LAMA2: variants seen among roughly 807,000 people sequenced by gnomAD.
LAMA2 encodes the protein laminin subunit alpha-2.
LAMA2 carries 269 observed loss-of-function variants against 364.8 expected under a neutral mutation model. The ratio of observed to expected loss-of-function variants is 0.74; its 90% confidence interval spans 0.67 to 0.82. The LOEUF (loss-of-function observed/expected upper bound fraction) is 0.82, where lower values mean the gene tolerates loss of function less well. Ranked by LOEUF, LAMA2 falls within the 40% of genes least tolerant of loss-of-function variation. The probability of loss-of-function intolerance (pLI) is 0.00; values close to 1 mark genes in which losing one functional copy is unlikely to be tolerated. For synonymous variants in LAMA2, 1,379 were observed against 1,370.6 expected (o/e 1.01, Z -0.14); for missense variants, 3,807 against 3,873.2 (o/e 0.98, Z 0.45).
chr6:129,505,751 C>A (rs1305811036), intron 61 of LAMA2, among the ~76,000 whole-genome samples: 1 of 151,854 alleles, frequency 6.6e-6, no homozygotes, highest in Non-Finnish European at 1.5e-5. Context: ...CCAGGATGGT[C>A]TCAATCTCCT....
rs55906092 is a variant in LAMA2, at chr6:128,962,139, CATATATATATAT to C, written c.112+78818_112+78829del. On this transcript the variant is annotated intron_variant, in intron 1 of 64. Transcript: ENST00000421865. Reference sequence around the variant, plus strand: ...TCTTTTCTGATGTCATCCTCTGGACCATATATATATATATATATATATATATATATATATATA... The same window carrying C: ...TCTTTTCTGATGTCATCCTCTGGACCATATATATATATATATATATATATA... Among the ~76,000 whole-genome samples, 303 of 38,098 alleles carry C rather than the reference CATATATATATAT, an allele frequency of 8.0e-3. 10 individuals carry two copies. The highest frequency in any genetic ancestry group is 0.019 in the Middle Eastern group (1 of 54). The allele number at this position is 38,098 out of a possible 152,430, so 25.0% of individuals were successfully genotyped here. A position where few individuals can be genotyped will look rare whatever the true frequency, so the allele number is the denominator to read the frequency against.
intron 20 of LAMA2, among the ~76,000 whole-genome samples, chr6:129,296,331 T>G (rs558674061): frequency 2.6e-5 from 4 of 151,982 alleles, no homozygotes; most frequent in Non-Finnish European, 4.4e-5. Context: ...ATATGGTTAG[T>G]TTTTTTTATA....
intron 1 of LAMA2, among the ~76,000 whole-genome samples, chr6:129,040,424 A>C (rs6569577): frequency 0.45 from 68,791 of 151,814 alleles, 17,201 homozygotes; most frequent in African/African-American, 0.67. Context: ...AGTTTGAGAT[A>C]AACTTGGGCA....
At chr6:128,884,289 C>T (rs1174500055) in intron 1 of LAMA2, among the ~76,000 whole-genome samples, 1 of 151,526 alleles carries the variant, frequency 6.6e-6, no homozygotes, top group Non-Finnish European at 1.5e-5. Context: ...GCAAACAATT[C>T]TTTAAGTTGG....
At chr6:128,945,593 A>G (rs1378972637) in intron 1 of LAMA2, among the ~76,000 whole-genome samples, 2 of 152,256 alleles carry the variant, frequency 1.3e-5, no homozygotes, top group Non-Finnish European at 2.9e-5. Context: ...ATAAGTTTTA[A>G]TAATGGCATG....
At chr6:128,996,960 G>A (rs2114672228) in intron 1 of LAMA2, among the ~76,000 whole-genome samples, 1 of 152,308 alleles carries the variant, frequency 6.6e-6, no homozygotes, top group South Asian at 2.1e-4. Context: ...AAAAGGATGA[G>A]TTCATGTCCT....
chr6:129,276,883 A>G (rs554930446), intron 17 of LAMA2, among the ~76,000 whole-genome samples: 32 of 152,070 alleles, frequency 2.1e-4, no homozygotes, highest in Non-Finnish European at 4.3e-4. Context: ...TTGTTTCTCT[A>G]TGTATGCATT....
intron 12 of LAMA2, among the ~76,000 whole-genome samples, chr6:129,204,816 A>C (rs1782516863): frequency 1.3e-5 from 2 of 152,196 alleles, no homozygotes; most frequent in Admixed American, 1.3e-4. Context: ...GACTCTCTCT[A>C]ATGTATAAAG....
rs778913439 is a variant in LAMA2, at chr6:129,315,524, C to G, written c.3604C>G (p.Leu1202Val). The stretch of plus-strand genomic sequence containing the variant: ...CATTCTACCCCTGGTAGATGAGGCT[C>G]TGCAGCACACGACCACCAAGGGCAT... ...QTILPLVDEA[L>V]QHTTTKGIVF... is the part of the protein sequence containing the mutation. The change falls in exon 25 of 65, where the codon CTG (leucine) becomes GTG (valine). Residue 1202 changes from leucine (L) to valine (V), a missense_variant. Leu to Val is a conservative substitution (Grantham distance 32). Coordinates refer to ENST00000421865, the MANE Select transcript of LAMA2 (RefSeq NM_000426.4). 3.1e-6 allele frequency: 5 copies of G among 1,614,178 alleles called. No homozygotes were observed. Among genetic ancestry groups the G allele is most frequent in the Non-Finnish European group, 4.2e-6 (5 of 1,180,018 alleles).
intron 20 of LAMA2, chr6:129,293,016 A>ATCGGCAGCTCCAGCGGGTGCCC: frequency 1.0e-6 from 1 of 985,946 alleles, no homozygotes; most frequent in African/African-American, 1.7e-5. Context: ...GAGGTGGGCT[A>ATCGGCAGCTCCAGCGGGTGCCC]TCGGCAGCTC....
At position 129,108,980 on chromosome 6, in the gene LAMA2, A is replaced by C. The variant is rs528958934; in HGVS notation, c.639+10565A>C. Among the ~76,000 whole-genome samples the C allele has an allele frequency of 2.0e-5, 3 of 152,246 alleles. No homozygotes were observed. In the South Asian group the frequency reaches 6.2e-4, roughly 32 times the overall value. ...AAGCTACTTAAAAAGTGTTTTAGAAAATGTTTTTAAATATTAATTTGCATC... is the reference window on the plus strand; with the variant it reads ...AAGCTACTTAAAAAGTGTTTTAGAACATGTTTTTAAATATTAATTTGCATC... On this transcript the variant is annotated intron_variant, in intron 4 of 64. Coordinates refer to ENST00000421865, the MANE Select transcript of LAMA2 (RefSeq NM_000426.4).
chr6:129,375,670 T>C (rs1778331088), intron 34 of LAMA2, among the ~76,000 whole-genome samples: 2 of 152,214 alleles, frequency 1.3e-5, no homozygotes, highest in Non-Finnish European at 2.9e-5. Context: ...CCTTGGGGAC[T>C]AGGCCTCAGT....
intron 1 of LAMA2, among the ~76,000 whole-genome samples, chr6:129,006,787 C>T (rs753853068): frequency 6.6e-6 from 1 of 152,132 alleles, no homozygotes; most frequent in Non-Finnish European, 1.5e-5. Context: ...ATCAGATCTC[C>T]ATCACCAGTC....
chr6:129,015,138 A>G (rs1173203604), intron 1 of LAMA2, among the ~76,000 whole-genome samples: 2 of 152,162 alleles, frequency 1.3e-5, no homozygotes, highest in Non-Finnish European at 2.9e-5. Context: ...TCTTATTTGG[A>G]TGTACAAACC....
At chr6:129,200,632 G>A (rs950958172) in intron 12 of LAMA2, among the ~76,000 whole-genome samples, 17 of 151,786 alleles carry the variant, frequency 1.1e-4, no homozygotes, top group African/African-American at 3.9e-4. Context: ...CTCCATGAAT[G>A]GAATTAATGC....
At chr6:129,082,321 C>G (rs142719923) in intron 3 of LAMA2, among the ~76,000 whole-genome samples, 1,661 of 152,146 alleles carry the variant, frequency 0.011, 34 homozygotes, top group African/African-American at 0.038. Flanking sequence ...ATTATATTCT[C>G]TCACTCCACT....
chr6:129,291,721 G>A lies in LAMA2; in HGVS notation c.2856+1G>A. 6.2e-7 allele frequency: 1 copy of A among 1,600,558 alleles called. No homozygotes were observed. The highest frequency in any genetic ancestry group is 8.6e-7 in the Non-Finnish European group (1 of 1,167,660). On this transcript the variant is annotated splice_donor_variant, in intron 20 of 64. Transcript: ENST00000421865. LOFTEE classifies it high-confidence loss of function. ...GGGTCAGAGATGTGACAAATGCAAG[G>A]TAAGGAGTAGAGGCTGACCCATAAA...
At chr6:129,142,083 G>T (rs1778153552) in intron 4 of LAMA2, among the ~76,000 whole-genome samples, 1 of 151,984 alleles carries the variant, frequency 6.6e-6, no homozygotes, top group Non-Finnish European at 1.5e-5. Context: ...AATTCATTAT[G>T]CAGATATACA....
chr6:129,330,453 T>C (rs996309999), intron 29 of LAMA2, among the ~76,000 whole-genome samples: 1 of 152,034 alleles, frequency 6.6e-6, no homozygotes, highest in African/African-American at 2.4e-5. Context: ...CCCTGTCTAA[T>C]TGTCATTTTC....
Sources: allele counts gnomAD v4.1 joint callset (sites outside exome capture counted in the v4.1 genomes callset), GRCh38; gene constraint gnomAD v4.1.1; transcripts MANE v1.5; gene names NCBI Gene and HGNC (gene_info 2026-07-23, HGNC 2026-07-21).